The following BICD1 variants were observed in gnomAD, a reference collection of about 807,000 sequenced individuals.
BICD1 encodes the protein BICD cargo adaptor 1.
In BICD1, 35 loss-of-function variants were observed where a neutral mutation model predicts 92.5. The observed-to-expected ratio is 0.38, with a 90% CI of 0.29 to 0.50. BICD1 has a LOEUF of 0.50. BICD1 is among the 20% of genes least tolerant of loss of function. The pLI, the probability that BICD1 is intolerant of heterozygous loss-of-function variation, is 0.93. For synonymous variants in BICD1, 429 were observed against 465.1 expected, an observed-to-expected ratio of 0.92 and a Z score of 1.00; for missense variants, 950 against 1,189.8, an observed-to-expected ratio of 0.80 and a Z score of 2.97.
chr12:32,288,798 G>A (rs1447909311), intron 2 of BICD1, among the ~76,000 whole-genome samples: 5 of 151,938 alleles, frequency 3.3e-5, no homozygotes, highest in East Asian at 1.9e-4. Flanking sequence ...CCTGGGAGGC[G>A]GAGGTTGCAG....
chr12:32,263,372 C>A lies in BICD1; in HGVS notation c.427-30622C>A, dbSNP rs181351972. Among the ~76,000 whole-genome samples the A allele has an allele frequency of 7.1e-3, 1,083 of 151,890 alleles. 4 individuals carry two copies. The highest frequency in any genetic ancestry group is 0.024 in the Middle Eastern group (7 of 294). ...GACCACTCTCGCCAAGATGGTGAAA[C>A]CCTGCCTGTACTAAAAATACAAAAA... On this transcript the variant is annotated intron_variant, in intron 2 of 9. Coordinates refer to ENST00000652176, the MANE Select transcript of BICD1 (RefSeq NM_001714.4).
At chr12:32,171,104 T>C (rs1330411878) in intron 1 of BICD1, among the ~76,000 whole-genome samples, 1 of 152,222 alleles carries the variant, frequency 6.6e-6, no homozygotes, top group Non-Finnish European at 1.5e-5. Context: ...AGTTTACTGC[T>C]CCTCCTGGGG....
At chr12:32,369,874 C>G (rs980745397) in intron 9 of BICD1, among the ~76,000 whole-genome samples, 3 of 151,944 alleles carry the variant, frequency 2.0e-5, no homozygotes, top group Admixed American at 2.0e-4. Flanking sequence ...TCACTGCACT[C>G]CAGCCTGGGT....
At chr12:32,376,463 TTTATTCTTCAAGA>T (rs1289357284) in intron 9 of BICD1, among the ~76,000 whole-genome samples, 1 of 152,180 alleles carries the variant, frequency 6.6e-6, no homozygotes, top group Admixed American at 6.5e-5. Flanking sequence ...ATTTTGCTTC[TTTATTCTTCAAGA>T]TTATTCATCC....
chr12:32,376,798 G>A (rs1216726890), intron 9 of BICD1, among the ~76,000 whole-genome samples: 3 of 150,498 alleles, frequency 2.0e-5, no homozygotes, highest in Non-Finnish European at 4.4e-5. Context: ...AACTCGGGAG[G>A]CGGAGGCTGC....
chr12:32,162,890 G>A (rs989807837), intron 1 of BICD1, among the ~76,000 whole-genome samples: 4 of 152,138 alleles, frequency 2.6e-5, no homozygotes, highest in African/African-American at 7.2e-5. Flanking sequence ...GGAGGCTGAG[G>A]CAGGAGGATT....
chr12:32,164,875 T>G (rs1022842906), intron 1 of BICD1, among the ~76,000 whole-genome samples: 1 of 152,160 alleles, frequency 6.6e-6, no homozygotes, highest in African/African-American at 2.4e-5. Context: ...TGTCAGTGTT[T>G]GTACTCTTCA....
In BICD1 at chr12:32,317,278, T is replaced by C. The variant is rs374860350; in HGVS notation, c.1006-10183T>C. Reference sequence around the variant, plus strand: ...CTAGTTCTAGATCCCTGAGGAATCGTCACACTGACTTCCACAATGGTCGAA... The same window carrying C: ...CTAGTTCTAGATCCCTGAGGAATCGCCACACTGACTTCCACAATGGTCGAA... On this transcript the variant is annotated intron_variant, in intron 4 of 9. Transcript: ENST00000652176. Among the ~76,000 whole-genome samples, 7 of 152,288 alleles carry C rather than the reference T, an allele frequency of 4.6e-5. No individual in the cohort carries two copies. The East Asian group carries it at 5.8e-4, about 13-fold the overall frequency.
intron 5 of BICD1, among the ~76,000 whole-genome samples, chr12:32,334,274 T>C (rs771643752): frequency 6.6e-6 from 1 of 152,232 alleles, no homozygotes; most frequent in Non-Finnish European, 1.5e-5. Flanking sequence ...TAGCTCCTGA[T>C]ACTGACTCTG....
intron 1 of BICD1, among the ~76,000 whole-genome samples, chr12:32,203,376 G>A (rs561302505): frequency 3.9e-5 from 6 of 152,230 alleles, no homozygotes; most frequent in East Asian, 1.9e-4. Flanking sequence ...AAAAGACATC[G>A]CTAAAAGAGT....
intron 1 of BICD1, among the ~76,000 whole-genome samples, chr12:32,116,164 A>G (rs571225543): frequency 9.0e-6 from 1 of 111,688 alleles, no homozygotes; most frequent in African/African-American, 3.1e-5. Context: ...CATAATGTCT[A>G]TGATTTTTTT....
chr12:32,232,646 T>C (rs368932644), intron 2 of BICD1, among the ~76,000 whole-genome samples: 121 of 152,186 alleles, frequency 8.0e-4, no homozygotes, highest in Middle Eastern at 3.4e-3. Context: ...TGGTGTTTTA[T>C]ACATGAAGTC....
chr12:32,248,821 C>T (rs1193294026), intron 2 of BICD1, among the ~76,000 whole-genome samples: 2 of 152,166 alleles, frequency 1.3e-5, no homozygotes, highest in Non-Finnish European at 2.9e-5. Flanking sequence ...TCTGGAAAAG[C>T]AGGTTGTTGG....
chr12:32,201,680 C>A (rs957050042), intron 1 of BICD1, among the ~76,000 whole-genome samples: 2 of 150,994 alleles, frequency 1.3e-5, no homozygotes, highest in African/African-American at 2.4e-5. Flanking sequence ...TTGGCCAAGA[C>A]CCAGAAAAAA....
chr12:32,113,424 C>G (rs1371962945), intron 1 of BICD1, among the ~76,000 whole-genome samples: 47 of 152,124 alleles, frequency 3.1e-4, no homozygotes, highest in Admixed American at 3.1e-3. Flanking sequence ...CTCTGTCACC[C>G]AGGCTGGAGT....
intron 1 of BICD1, among the ~76,000 whole-genome samples, chr12:32,141,640 A>G (rs1942924121): frequency 6.6e-6 from 1 of 151,916 alleles, no homozygotes; most frequent in South Asian, 2.1e-4. Context: ...CGCCCAGCTA[A>G]TTTTTCTATT....
intron 1 of BICD1, among the ~76,000 whole-genome samples, chr12:32,115,386 G>GTTTTTTTTTTTTTTTTTTTTTT (rs149711623): frequency 1.0e-5 from 1 of 97,740 alleles, no homozygotes. Context: ...TGGTGTTTTT[G>GTTTTTTTTTTTTTTTTTTTTTT]GTTTTTTTTT....
At chr12:32,192,780 G>A (rs1288565580) in intron 1 of BICD1, among the ~76,000 whole-genome samples, 1 of 152,228 alleles carries the variant, frequency 6.6e-6, no homozygotes, top group African/African-American at 2.4e-5. Flanking sequence ...TATTAGTAAA[G>A]GTGGATGATT....
chr12:32,260,318 TC>T (rs1425654540), intron 2 of BICD1, among the ~76,000 whole-genome samples: 1 of 152,190 alleles, frequency 6.6e-6, no homozygotes, highest in Non-Finnish European at 1.5e-5. Flanking sequence ...CTTTTGGAAA[TC>T]CTAAGCTATA....
Sources: gnomAD v4.1 joint callset for allele counts (sites outside exome capture counted in the v4.1 genomes callset) on GRCh38, gnomAD v4.1.1 for gene constraint, MANE v1.5 for transcripts, NCBI Gene and HGNC (gene_info 2026-07-23, HGNC 2026-07-21) for gene names.